Variants in MPZ observed in about 807,000 individuals in gnomAD.
MPZ encodes myelin protein P0.
A neutral mutation model predicts 27.9 loss-of-function variants in MPZ; 13 were observed. The ratio of observed to expected loss-of-function variants is 0.47; its 90% confidence interval spans 0.30 to 0.74. The LOEUF (loss-of-function observed/expected upper bound fraction) is 0.74, where lower values mean the gene tolerates loss of function less well. Among genes scored for constraint, MPZ ranks in the 30% least tolerant of loss-of-function variants. The pLI is 0.06. For missense variants in MPZ, 256 were observed against 317.5 expected (o/e 0.81, Z 1.47); for synonymous variants, 118 against 128.9 (o/e 0.92, Z 0.57).
rs1252695545 is a variant in MPZ at position 161,309,829 on chromosome 1, C to T, written c.67+10G>A. 6 of 1,572,660 alleles carry T rather than the reference C, an allele frequency of 3.8e-6. No individual in the cohort carries two copies. Among genetic ancestry groups the T allele is most frequent in the African/African-American group, 1.3e-5 (1 of 74,464 alleles). ...TCCCAAGACTCCCAGAGTAGAGTGG[C>T]TCCACTTACCCAAAGAAGAGAAGAG... On this transcript the variant is annotated intron_variant, in intron 1 of 5. Transcript: ENST00000533357.
At chr1:161,304,461 A>C (rs1670179853), downstream of MPZ, among the ~76,000 whole-genome samples, 2 of 152,226 alleles carry the variant, frequency 1.3e-5, no homozygotes, top group Non-Finnish European at 2.9e-5. Flanking sequence ...GGGATGTTTT[A>C]AAATTCAGAT....
rs121913603 is a variant in MPZ, at chr1:161,306,722, T to G, written c.434A>C (p.Tyr145Ser). 8.1e-6 allele frequency: 13 copies of G among 1,613,976 alleles called. No individual in the cohort carries two copies. The Admixed American group carries it at 2.2e-4, about 27-fold the overall frequency. The change falls in exon 3 of 6, where the codon TAT becomes TCT. Residue 145 changes from tyrosine to serine, a missense_variant. Transcript: ENST00000533357. ...CCTTCTCACACCTTTTTCAAAGACA[T>G]ACAGCGTGACCTGAGAGGTCTTGCC... ...IVGKTSQVTL[Y>S]VFEKVPTRYG...
rs1185426826 is a variant in MPZ at position 161,307,261 on chromosome 1, A to C, written c.231T>G (p.Ile77Met). Residue 77 changes from isoleucine (I) to methionine (M), a missense_variant, in exon 2 of 6, where the codon ATT becomes ATG. By Grantham distance (10) the Ile-to-Met change is conservative (BLOSUM62 1). Coordinates refer to ENST00000533357, the MANE Select transcript of MPZ (RefSeq NM_000530.8). ...CAGGATTCCCCCAGGCACTCACCGAAATGGCATCTCTGCCCCCTTCGGGCT... is the reference window on the plus strand; with the variant it reads ...CAGGATTCCCCCAGGCACTCACCGACATGGCATCTCTGCCCCCTTCGGGCT... ...RYQPEGGRDA[I>M]SIFHYAKGQP... 3.7e-6 allele frequency: 6 copies of C among 1,614,240 alleles called. No homozygotes were observed. Among genetic ancestry groups the C allele is most frequent in the Non-Finnish European group, 5.1e-6 (6 of 1,180,044 alleles).
chr1:161,304,348 AT>A, downstream of MPZ, among the ~76,000 whole-genome samples: 1 of 152,324 alleles, frequency 6.6e-6, no homozygotes, highest in African/African-American at 2.4e-5. Context: ...ATCCCTAGGA[AT>A]TAAGCAGGGC....
chr1:161,303,632 A>G (rs1234653446), downstream of MPZ, among the ~76,000 whole-genome samples: 1 of 152,172 alleles, frequency 6.6e-6, no homozygotes, highest in Non-Finnish European at 1.5e-5. Flanking sequence ...GAGCCACCAC[A>G]TCCAACCTCA....
In MPZ at chr1:161,306,092, C is replaced by T; in HGVS notation, c.645+16G>A. On this transcript the variant is annotated intron_variant, in intron 5 of 5. Transcript: ENST00000533357. ...GTTCTCCTTCCCATCTTGTCTAGGCCCCAAGTCCCGCTAACCTGCCGCCCG... is the reference window on the plus strand; with the variant it reads ...GTTCTCCTTCCCATCTTGTCTAGGCTCCAAGTCCCGCTAACCTGCCGCCCG... The T allele has an allele frequency of 2.5e-6, 4 of 1,614,156 alleles. No individual in the cohort carries two copies. Among genetic ancestry groups the T allele is most frequent in the Non-Finnish European group, 3.4e-6 (4 of 1,180,006 alleles).
rs1238706311 is a variant in MPZ at position 161,306,381 on chromosome 1, C to T, written c.532G>A (p.Val178Met). 1.2e-6 allele frequency: 2 copies of T among 1,614,182 alleles called. No individual in the cohort carries two copies. The highest frequency in any genetic ancestry group is 1.1e-5 in the South Asian group (1 of 91,088). ...CTGCGTAGCCAGCAGTACCGAACCA[C>T]GTAGAAAAGCAGCAGCAGCAACAGC... ...VVLLLLLLFYVVRYCWLRRQA... is the reference protein window; with the variant it reads ...VVLLLLLLFYMVRYCWLRRQA... The change falls in exon 4 of 6, where the codon GTG becomes ATG. Residue 178 changes from valine (V) to methionine (M), a missense_variant. Coordinates refer to ENST00000533357, the MANE Select transcript of MPZ (RefSeq NM_000530.8).
At position 161,305,676 on chromosome 1, in the gene MPZ, G is replaced by A. The variant is rs1670217061; in HGVS notation, c.*200C>T. ...GCTCTGGCAGGGCCTGGGGTGGGGGGGTGGCGATCACTTGTCCGAGTTCAG... is the reference window on the plus strand; with the variant it reads ...GCTCTGGCAGGGCCTGGGGTGGGGGAGTGGCGATCACTTGTCCGAGTTCAG... On this transcript the variant is annotated 3_prime_UTR_variant, in exon 6 of 6. Transcript: ENST00000533357. 3.4e-6 allele frequency: 2 copies of A among 591,734 alleles called. No homozygotes were observed. Among genetic ancestry groups the A allele is most frequent in the Admixed American group, 6.1e-5 (2 of 32,872 alleles). 36.7% of individuals were successfully genotyped at this position (591,734 alleles called of 1,614,324 possible).
chr1:161,309,878 G>C lies in MPZ; in HGVS notation c.28C>G (p.Pro10Ala). The change falls in exon 1 of 6, where the codon CCC (proline) becomes GCC (alanine). Residue 10 changes from proline (P) to alanine (A), a missense_variant. Pro to Ala is a conservative substitution (Grantham distance 27). Transcript: ENST00000533357. MAPGAPSSS[P>A]SPILAVLLFS... ...AGCAGCACAGCCAGGATAGGGCTGG[G>C]GCTGGATGAGGGAGCCCCAGGAGCC... The C allele has an allele frequency of 6.3e-7, 1 of 1,589,532 alleles. No individual in the cohort carries two copies. The highest frequency in any genetic ancestry group is 8.6e-7 in the Non-Finnish European group (1 of 1,169,140).
chr1:161,306,321 C>A lies in MPZ; in HGVS notation c.584+8G>T. The A allele has an allele frequency of 1.2e-6, 2 of 1,614,146 alleles. No homozygotes were observed. The highest frequency in any genetic ancestry group is 1.7e-6 in the Non-Finnish European group (2 of 1,179,996). ...AGAGGGGGAGGGGAGCTAGGCTCCG[C>A]CCCTTACCTGAGCCTCCTCTGCAGG... On this transcript the variant is annotated splice_region_variant and intron_variant, in intron 4 of 5. Transcript: ENST00000533357.
In MPZ at chr1:161,305,736, G is replaced by C; in HGVS notation, c.*140C>G. On this transcript the variant is annotated 3_prime_UTR_variant, in exon 6 of 6. Coordinates refer to ENST00000533357, the MANE Select transcript of MPZ (RefSeq NM_000530.8). ...GTTCTTGAGGGCGTTTTTGAGGCTG[G>C]TTCTGCTGGGGGACTTGACAGCAGG... 1.5e-6 allele frequency: 1 copy of C among 645,826 alleles called. No homozygotes were observed. Among genetic ancestry groups the C allele is most frequent in the African/African-American group, 1.8e-5 (1 of 54,686 alleles). The allele number at this position is 645,826 out of a possible 1,614,324, so 40.0% of individuals were successfully genotyped here. A position where few individuals can be genotyped will look rare whatever the true frequency, so the allele number is the denominator to read the frequency against.
chr1:161,309,550 A>AT (rs202225246), intron 1 of MPZ, among the ~76,000 whole-genome samples: 1,322 of 82,398 alleles, frequency 0.016, 74 homozygotes, highest in South Asian at 0.14. Flanking sequence ...ATATATATAT[A>AT]TATTTTTTTT....
intron 4 of MPZ, 48 bp downstream of exon 4, chr1:161,306,281 T>A: frequency 6.2e-7 from 1 of 1,613,252 alleles, no homozygotes. Context: ...TCCGCCCAGA[T>A]GGGGGATAGT....
At chr1:161,309,716 A>G in intron 1 of MPZ, 123 bp downstream of exon 1, 1 of 843,846 alleles carries the variant, frequency 1.2e-6, no homozygotes, top group Non-Finnish European at 2.0e-6. Context: ...TCTGAATATA[A>G]TGTCACCTTC....
downstream of MPZ, among the ~76,000 whole-genome samples, chr1:161,303,861 A>AT (rs375449464): frequency 6.6e-5 from 10 of 152,270 alleles, no homozygotes; most frequent in Admixed American, 2.6e-4. Context: ...AGGCAGATTG[A>AT]TTTTTTTTAA....
chr1:161,307,120 C>A, intron 2 of MPZ, 138 bp downstream of exon 2: 3 of 1,210,578 alleles, frequency 2.5e-6, no homozygotes, highest in Non-Finnish European at 3.5e-6. Context: ...GTCAGGGTGA[C>A]AAAGACTGTC....
rs201720099 is a variant in MPZ, at chr1:161,307,292, C to A, written c.200G>T (p.Arg67Leu). The change falls in exon 2 of 6, where the codon CGC becomes CTC. Residue 67 changes from arginine (R) to leucine (L), a missense_variant. Physicochemically the swap from Arg to Leu is moderately radical, Grantham distance 102. Coordinates refer to ENST00000533357, the MANE Select transcript of MPZ (RefSeq NM_000530.8). The stretch of plus-strand genomic sequence containing the variant: ...ATCTCTGCCCCCTTCGGGCTGGTAG[C>A]GCCAGGTGAAGGAGATGTCATCTGA... The part of the protein sequence containing the change: ...WVSDDISFTW[R>L]YQPEGGRDAI... 6.2e-7 allele frequency: 1 copy of A among 1,614,258 alleles called. No homozygotes were observed. Among genetic ancestry groups the A allele is most frequent in the Non-Finnish European group, 8.5e-7 (1 of 1,180,048 alleles).
chr1:161,305,829 G>A lies in MPZ; in HGVS notation c.*47C>T. ...GATGACCATCACCTTTGGGCCTTTG[G>A]CGGACTCCACCCCTAACCCCCGATC... On this transcript the variant is annotated 3_prime_UTR_variant, in exon 6 of 6. Transcript: ENST00000533357. 1 of 1,410,910 alleles carries A rather than the reference G, an allele frequency of 7.1e-7. No individual in the cohort carries two copies. Among genetic ancestry groups the A allele is most frequent in the South Asian group, 1.2e-5 (1 of 82,734 alleles). The allele number at this position is 1,410,910 out of a possible 1,614,324, so 87.4% of individuals were successfully genotyped here.
chr1:161,309,552 A>ATATATATATATATATATATTTTTTTTTTT, intron 1 of MPZ, among the ~76,000 whole-genome samples: 1 of 80,662 alleles, frequency 1.2e-5, no homozygotes, highest in Non-Finnish European at 2.4e-5. Context: ...ATATATATAT[A>ATATATATATATATATATATTTTTTTTTTT]TTTTTTTTTT....
Sources: gnomAD v4.1 joint callset for allele counts (sites outside exome capture counted in the v4.1 genomes callset) on GRCh38, gnomAD v4.1.1 for gene constraint, MANE v1.5 for transcripts, NCBI Gene and HGNC (gene_info 2026-07-23, HGNC 2026-07-21) for gene names.